TRIP13: variants seen among roughly 807,000 people sequenced by gnomAD.
TRIP13 encodes pachytene checkpoint protein 2 homolog.
A neutral mutation model predicts 54.4 loss-of-function variants in TRIP13; 25 were observed. The ratio of observed to expected loss-of-function variants is 0.46; its 90% CI spans 0.33 to 0.64. The LOEUF (loss-of-function observed/expected upper bound fraction) is 0.64, where lower values mean the gene tolerates loss of function less well. TRIP13 is among the 30% of genes least tolerant of loss of function. The probability of loss-of-function intolerance (pLI) is 0.02; values close to 1 mark genes in which losing one functional copy is unlikely to be tolerated. For missense variants in TRIP13, 373 were observed against 534.2 expected (o/e 0.70, Z 2.97); for synonymous variants, 207 against 207.8 (o/e 1.00, Z 0.03).
chr5:910,915 G>A (rs534725472), intron 9 of TRIP13, among the ~76,000 whole-genome samples: 76 of 152,298 alleles, frequency 5.0e-4, no homozygotes, highest in African/African-American at 1.6e-3. Context: ...TCACCCCGGC[G>A]CGCAGGCACA....
Position 907,950 on chromosome 5 carries a change from C to T in TRIP13, c.673-38C>T, listed in dbSNP as rs778799955. On this transcript the variant is annotated intron_variant, in intron 7 of 12. Transcript: ENST00000166345. The surrounding 1 kb of genome is among the most constrained non-coding windows in gnomAD (Gnocchi z 4.1). ...CCCCCTGTGCACCTGGCAGTGTGGT[C>T]CCTGCACGTTGACACTAAAAGGGTG... is the stretch of plus-strand genomic sequence containing the variant. The T allele has an allele frequency of 1.9e-6, 3 of 1,606,712 alleles. No homozygotes were observed. The highest frequency in any genetic ancestry group is 2.2e-5 in the South Asian group (2 of 90,914).
chr5:910,350 T>C (rs1324544231), intron 9 of TRIP13, among the ~76,000 whole-genome samples: 1 of 152,188 alleles, frequency 6.6e-6, no homozygotes, highest in Admixed American at 6.5e-5. Context: ...ACACAGCCTG[T>C]CTGTGGCCTT....
Position 915,952 on chromosome 5 carries a change from G to T in TRIP13, c.1182G>T (p.Leu394=), listed in dbSNP as rs570752091. 4.5e-5 allele frequency: 72 copies of T among 1,614,112 alleles called. 1 individual carries two copies. The South Asian group carries it at 7.0e-4, about 16-fold the overall frequency. The change falls in exon 12 of 13, where the codon CTG becomes CTT. Residue 394 remains leucine (L), a synonymous_variant. Coordinates refer to ENST00000166345, the MANE Select transcript of TRIP13 (RefSeq NM_004237.4). The surrounding 1 kb of genome is among the most constrained non-coding windows in gnomAD (Gnocchi z 4.2). ...GGGTCCTGAGAAAACTCCCCTTTCT[G>T]GCTCATGCGCTGTATGTCCAGGTGA... ...SGRVLRKLPF[L]AHALYVQAPT...
At chr5:918,410 A>G (rs1579206950), downstream of TRIP13, among the ~76,000 whole-genome samples, 1 of 152,094 alleles carries the variant, frequency 6.6e-6, no homozygotes, top group South Asian at 2.1e-4. The surrounding 1 kb of genome is among the most constrained non-coding windows in gnomAD (Gnocchi z 4.3). Context: ...AGTGGGCACA[A>G]CCCTAACAGC....
In TRIP13 at chr5:912,026, C is replaced by T; in HGVS notation, c.1020+30C>T. 1 of 1,593,802 alleles carries T rather than the reference C, an allele frequency of 6.3e-7. No individual in the cohort carries two copies. The highest frequency in any genetic ancestry group is 1.4e-5 in the African/African-American group (1 of 73,328). On this transcript the variant is annotated intron_variant, in intron 10 of 12. Coordinates refer to ENST00000166345, the MANE Select transcript of TRIP13 (RefSeq NM_004237.4). The surrounding 1 kb of genome is among the most constrained non-coding windows in gnomAD (Gnocchi z 7.2). ...CTTTATTTTTTTTTTCCTCTTGATA[C>T]AAATGGATTTCTTATATGTTCTTAA...
At chr5:906,064 A>G (rs1003046581) in intron 6 of TRIP13, among the ~76,000 whole-genome samples, 3 of 152,134 alleles carry the variant, frequency 2.0e-5, no homozygotes, top group East Asian at 3.9e-4. Flanking sequence ...AAAAAATACA[A>G]AAAATTAGCT....
intron 4 of TRIP13, 133 bp from the exon 5 acceptor site, chr5:901,208 A>G: frequency 1.6e-6 from 1 of 633,686 alleles, no homozygotes. Flanking sequence ...GGAGGTGATG[A>G]TCTCTTAGGA....
intron 4 of TRIP13, 36 bp from the exon 5 acceptor site, chr5:901,305 G>T: frequency 6.3e-7 from 1 of 1,599,438 alleles, no homozygotes; most frequent in Non-Finnish European, 8.6e-7. Context: ...TGCCTTGTTG[G>T]TATCTTTGTC....
chr5:901,483 T>C (rs1378555610), intron 5 of TRIP13, 52 bp downstream of exon 5: 2 of 1,569,122 alleles, frequency 1.3e-6, no homozygotes, highest in Non-Finnish European at 8.7e-7. Flanking sequence ...AAATTTAGCC[T>C]TTACTTGTAC....
intron 1 of TRIP13, among the ~76,000 whole-genome samples, chr5:894,029 G>A (rs996465836): frequency 7.9e-5 from 12 of 152,132 alleles, no homozygotes; most frequent in Non-Finnish European, 1.5e-4. Context: ...AGACACCTAC[G>A]TACAACTGCA....
At chr5:904,276 GGTT>G (rs1305578093) in intron 6 of TRIP13, 56 bp downstream of exon 6, 8 of 1,461,784 alleles carry the variant, frequency 5.5e-6, no homozygotes, top group South Asian at 1.3e-5. Flanking sequence ...TATAACGGGA[GGTT>G]GTTTTTTTTT....
Position 908,121 on chromosome 5 carries a change from C to T in TRIP13, c.759+47C>T. 6.2e-7 allele frequency: 1 copy of T among 1,602,710 alleles called. No homozygotes were observed. Among genetic ancestry groups the T allele is most frequent in the Non-Finnish European group, 8.5e-7 (1 of 1,169,720 alleles). Reference sequence around the variant, plus strand: ...AATTCATGACAGAATCGCCTTTTGCCATTGTGGGGACACAGCCTACTCCTG... The same window carrying T: ...AATTCATGACAGAATCGCCTTTTGCTATTGTGGGGACACAGCCTACTCCTG... On this transcript the variant is annotated intron_variant, in intron 8 of 12. Coordinates refer to ENST00000166345, the MANE Select transcript of TRIP13 (RefSeq NM_004237.4). This position sits in a 1 kb window ranked among gnomAD's most constrained non-coding sequence, Gnocchi z 5.2.
chr5:902,317 C>G (rs1355843405), intron 5 of TRIP13, among the ~76,000 whole-genome samples: 1 of 152,130 alleles, frequency 6.6e-6, no homozygotes, highest in African/African-American at 2.4e-5. Context: ...TTCTTTAAGT[C>G]AGTTAAGATT....
chr5:908,743 G>A lies in TRIP13; in HGVS notation c.866+282G>A, dbSNP rs980044121. On this transcript the variant is annotated intron_variant, in intron 9 of 12. Coordinates refer to ENST00000166345, the MANE Select transcript of TRIP13 (RefSeq NM_004237.4). This position sits in a 1 kb window ranked among gnomAD's most constrained non-coding sequence, Gnocchi z 5.2. ...GGAGGCCGAGGCAGGCGGATCACAA[G>A]GTCAGTAGATTGAGACCATCCTGGC... 2.1e-6 allele frequency: 2 copies of A among 974,582 alleles called. No individual in the cohort carries two copies. The highest frequency in any genetic ancestry group is 2.7e-6 in the Non-Finnish European group (2 of 748,618). The allele number at this position is 974,582 out of a possible 1,614,324, so 60.4% of individuals were successfully genotyped here.
chr5:893,032 C>A lies in TRIP13; in HGVS notation c.34C>A (p.Leu12Ile). ...GGCCGTGGGCGACCTGAAGCAGGCG[C>A]TTCCCTGTGTGGCCGAGTCGCCAAC... ...DEAVGDLKQA[L>I]PCVAESPTVH... The change falls in exon 1 of 13, where the codon CTT (leucine) becomes ATT (isoleucine). Residue 12 changes from leucine to isoleucine, a missense_variant. Physicochemically the swap from Leu to Ile is conservative, Grantham distance 5. Transcript: ENST00000166345. The A allele has an allele frequency of 1.3e-6, 2 of 1,595,952 alleles. No individual in the cohort carries two copies. The highest frequency in any genetic ancestry group is 1.7e-6 in the Non-Finnish European group (2 of 1,175,074).
rs1754275647 is a variant in TRIP13 at position 913,151 on chromosome 5, G to C, written c.1020+1155G>C. Among the ~76,000 whole-genome samples the C allele has an allele frequency of 6.6e-6, 1 of 152,196 alleles. No homozygotes were observed. The highest frequency in any genetic ancestry group is 1.5e-5 in the Non-Finnish European group (1 of 68,026). ...TGAAGACTGATTCTACAGCAGTTTTGCTGCCAAGGAGCCCCACGTGATAGC... is the reference window on the plus strand; with the variant it reads ...TGAAGACTGATTCTACAGCAGTTTTCCTGCCAAGGAGCCCCACGTGATAGC... On this transcript the variant is annotated intron_variant, in intron 10 of 12. Transcript: ENST00000166345. This position sits in a 1 kb window ranked among gnomAD's most constrained non-coding sequence, Gnocchi z 4.5.
chr5:895,587 C>A (rs991811037), intron 2 of TRIP13, among the ~76,000 whole-genome samples: 1 of 152,220 alleles, frequency 6.6e-6, no homozygotes, highest in African/African-American at 2.4e-5. Flanking sequence ...CCTCCCCATT[C>A]ATACGTTAGG....
intron 4 of TRIP13, 77 bp downstream of exon 4, chr5:900,626 T>A: frequency 3.3e-6 from 5 of 1,508,552 alleles, no homozygotes; most frequent in Non-Finnish European, 3.6e-6. Flanking sequence ...CCAACACCCC[T>A]GAGCAACTTG....
rs1754255869 is a variant in TRIP13 at position 912,435 on chromosome 5, G to A, written c.1020+439G>A. Among the ~76,000 whole-genome samples the A allele has an allele frequency of 6.6e-6, 1 of 152,160 alleles. No homozygotes were observed. Among genetic ancestry groups the A allele is most frequent in the Non-Finnish European group, 1.5e-5 (1 of 68,034 alleles). On this transcript the variant is annotated intron_variant, in intron 10 of 12. Coordinates refer to ENST00000166345, the MANE Select transcript of TRIP13 (RefSeq NM_004237.4). The surrounding 1 kb of genome is among the most constrained non-coding windows in gnomAD (Gnocchi z 7.2). ...GGGGTCCACATGACGTCACGTTCTT[G>A]AGTCGCCTGTTGTGATGATAGGCAG...
Sources: gnomAD v4.1 joint callset for allele counts (sites outside exome capture counted in the v4.1 genomes callset) on GRCh38, gnomAD v4.1.1 for gene constraint, Gnocchi (gnomAD v3.1) non-coding constraint, MANE v1.5 for transcripts, NCBI Gene and HGNC (gene_info 2026-07-23, HGNC 2026-07-21) for gene names.